The following DACT3 variants were observed in gnomAD, a reference collection of about 807,000 sequenced individuals.
DACT3 encodes the protein dishevelled binding antagonist of beta catenin 3.
DACT3 carries 5 observed loss-of-function variants against 19.6 expected under a neutral mutation model. The ratio of observed to expected loss-of-function variants is 0.26; its 90% CI spans 0.13 to 0.54. DACT3 has a LOEUF of 0.54. Ranked by LOEUF, DACT3 falls within the 20% of genes least tolerant of loss-of-function variation. DACT3 has a pLI of 0.95. For missense variants in DACT3, 908 were observed against 927.4 expected (o/e 0.98, Z 0.27); for synonymous variants, 454 against 428.1 (o/e 1.06, Z -0.75).
Position 46,660,993 on chromosome 19 carries a change from C to T in DACT3, c.72G>A (p.Leu24=). 6.5e-7 allele frequency: 1 copy of T among 1,538,282 alleles called. No homozygotes were observed. Among genetic ancestry groups the T allele is most frequent in the Non-Finnish European group, 8.7e-7 (1 of 1,145,518 alleles). ...GRLRGWLEGS[L]AGLCELHWLR... ...GCCAATGTAACTCGCAGAGCCCGGC[C>T]AGGCTACCCTCCAGCCAGCCCCGCA... Residue 24 remains leucine, a synonymous_variant, in exon 1 of 4, where the codon CTG becomes CTA. Transcript: ENST00000391916. The surrounding 1 kb of genome is among the most constrained non-coding windows in gnomAD (Gnocchi z 4.9).
chr19:46,650,018 T>A, intron 3 of DACT3, 146 bp from the exon 4 acceptor site: 1 of 915,386 alleles, frequency 1.1e-6, no homozygotes. Flanking sequence ...TCTCACACCT[T>A]CCTTCTTGTA....
intron 3 of DACT3, chr19:46,650,566 C>T (rs1473427928): frequency 6.6e-6 from 1 of 152,152 alleles, no homozygotes. Context: ...TACAGGAACG[C>T]ATCACCATGC....
intron 2 of DACT3, 72 bp downstream of exon 2, chr19:46,652,907 G>A: frequency 6.5e-7 from 1 of 1,542,830 alleles, no homozygotes; most frequent in Non-Finnish European, 8.7e-7. Context: ...GAGACACAGG[G>A]GGCCTCAGAA....
In DACT3 at chr19:46,649,083, A is replaced by G; in HGVS notation, c.1289T>C (p.Leu430Pro). The G allele has an allele frequency of 1.5e-6, 2 of 1,295,380 alleles. No individual in the cohort carries two copies. The highest frequency in any genetic ancestry group is 9.8e-7 in the Non-Finnish European group (1 of 1,023,952). The allele number at this position is 1,295,380 out of a possible 1,614,324, so 80.2% of individuals were successfully genotyped here. The change falls in exon 4 of 4, where the codon CTG becomes CCG. Residue 430 changes from leucine (L) to proline (P), a missense_variant. By Grantham distance (98) the Leu-to-Pro change is moderately conservative. This residue lies in a region of DACT3 where 656 missense variants were observed against 601.8 expected (regional missense o/e 1.09). Transcript: ENST00000391916. Reference protein sequence around the residue: ...KASRSQSETSLLGRASAVPSG... With the variant: ...KASRSQSETSPLGRASAVPSG... ...AGGGACCGCGGAGGCGCGGCCCAGC[A>G]GGCTGGTCTCAGACTGGGAGCGCGA...
In DACT3 at chr19:46,649,497, G is replaced by A; in HGVS notation, c.875C>T (p.Ala292Val). ...QNSVRQRPPD[A>V]SPSPGSARPA... The stretch of plus-strand genomic sequence containing the variant: ...TCGCGCGCTGCCGGGGGACGGAGAC[G>A]CGTCGGGCGGCCGCTGGCGCACGCT... Residue 292 changes from alanine (A) to valine (V), a missense_variant, in exon 4 of 4, where the codon GCG (alanine) becomes GTG (valine). By Grantham distance (64) the Ala-to-Val change is moderately conservative (BLOSUM62 0). Transcript: ENST00000391916. 2 of 1,112,590 alleles carry A rather than the reference G, an allele frequency of 1.8e-6. No individual in the cohort carries two copies. Among genetic ancestry groups the A allele is most frequent in the Non-Finnish European group, 2.2e-6 (2 of 913,874 alleles). The allele number at this position is 1,112,590 out of a possible 1,614,324, so 68.9% of individuals were successfully genotyped here.
chr19:46,659,694 G>T (rs1169973865), intron 1 of DACT3, among the ~76,000 whole-genome samples: 1 of 152,112 alleles, frequency 6.6e-6, no homozygotes, highest in Admixed American at 6.5e-5. Context: ...GGTCAGCGGC[G>T]GGGAGAGCCC....
Position 46,648,355 on chromosome 19 carries a change from G to C in DACT3, c.*127C>G, listed in dbSNP as rs568093599. Reference sequence around the variant, plus strand: ...TTCAACCAAGACTGTTAGGAGTGGGGAGAGTGAGGGGGGTCTTTGGAAGCA... The same window carrying C: ...TTCAACCAAGACTGTTAGGAGTGGGCAGAGTGAGGGGGGTCTTTGGAAGCA... On this transcript the variant is annotated 3_prime_UTR_variant, in exon 4 of 4. Transcript: ENST00000391916. The surrounding 1 kb of genome is among the most constrained non-coding windows in gnomAD (Gnocchi z 5.1). 1 of 1,499,166 alleles carries C rather than the reference G, an allele frequency of 6.7e-7. No individual in the cohort carries two copies. Among genetic ancestry groups the C allele is most frequent in the African/African-American group, 1.4e-5 (1 of 71,710 alleles). 92.9% of individuals were successfully genotyped at this position (1,499,166 alleles called of 1,614,324 possible). A position where few individuals can be genotyped will look rare whatever the true frequency, so the allele number is the denominator to read the frequency against.
rs1332141151 is a variant in DACT3, at chr19:46,648,407, G to C, written c.*75C>G. ...AGAAAACGATGGTCTTTGGAAGGTA[G>C]ATGTGGAAGGGTCAGTGGTTGGGAG... On this transcript the variant is annotated 3_prime_UTR_variant, in exon 4 of 4. Transcript: ENST00000391916. This position sits in a 1 kb window ranked among gnomAD's most constrained non-coding sequence, Gnocchi z 5.1. The C allele has an allele frequency of 8.7e-6, 14 of 1,602,958 alleles. No individual in the cohort carries two copies. Among genetic ancestry groups the C allele is most frequent in the Non-Finnish European group, 1.2e-5 (14 of 1,173,414 alleles).
intron 1 of DACT3, among the ~76,000 whole-genome samples, chr19:46,656,948 A>C (rs1210367964): frequency 6.6e-6 from 1 of 152,190 alleles, no homozygotes; most frequent in Non-Finnish European, 1.5e-5. Flanking sequence ...GCTGGCTAGG[A>C]GGCCACACTT....
chr19:46,657,735 A>G (rs1276052730), intron 1 of DACT3, among the ~76,000 whole-genome samples: 1 of 151,758 alleles, frequency 6.6e-6, no homozygotes, highest in Non-Finnish European at 1.5e-5. Context: ...AAAATAGAAA[A>G]TGTTTCCATT....
rs1224211138 is a variant in DACT3 at position 46,660,881 on chromosome 19, C to T, written c.184G>A (p.Asp62Asn). The T allele has an allele frequency of 2.6e-6, 4 of 1,533,520 alleles. No individual in the cohort carries two copies. Among genetic ancestry groups the T allele is most frequent in the Non-Finnish European group, 2.6e-6 (3 of 1,144,750 alleles). 95.0% of individuals were successfully genotyped at this position (1,533,520 alleles called of 1,614,324 possible). A position where few individuals can be genotyped will look rare whatever the true frequency, so the allele number is the denominator to read the frequency against. The change falls in exon 1 of 4, where the codon GAC (aspartate) becomes AAC (asparagine). Residue 62 changes from aspartate to asparagine, a missense_variant. Physicochemically the swap from Asp to Asn is conservative, Grantham distance 23. This residue lies in a region of DACT3 where 252 missense variants were observed against 325.6 expected (regional missense o/e 0.77). Transcript: ENST00000391916. The surrounding 1 kb of genome is among the most constrained non-coding windows in gnomAD (Gnocchi z 4.9). ...GCCGCATCTTCATCCTCATCGGCGT[C>T]CTCCTCGTCCTCGGCCTCGGCGCCC... The part of the protein sequence containing the change: ...MGGAEAEDEE[D>N]ADEDEDAAAA...
intron 1 of DACT3, chr19:46,654,224 C>A: frequency 1.0e-6 from 1 of 985,038 alleles, no homozygotes; most frequent in Non-Finnish European, 1.2e-6. Context: ...CAGTGGCTCA[C>A]GCCTGTAATC....
At chr19:46,654,430 G>A (rs2053016958) in intron 1 of DACT3, 1 of 707,948 alleles carries the variant, frequency 1.4e-6, no homozygotes. Context: ...AGGTTGCAGT[G>A]AGCCGAGATC....
Position 46,648,316 on chromosome 19 carries a change from G to T in DACT3, c.*166C>A. The T allele has an allele frequency of 8.8e-7, 1 of 1,134,862 alleles. No individual in the cohort carries two copies. Among genetic ancestry groups the T allele is most frequent in the Non-Finnish European group, 1.2e-6 (1 of 802,826 alleles). The allele number at this position is 1,134,862 out of a possible 1,614,324, so 70.3% of individuals were successfully genotyped here. On this transcript the variant is annotated 3_prime_UTR_variant, in exon 4 of 4. Transcript: ENST00000391916. The surrounding 1 kb of genome is among the most constrained non-coding windows in gnomAD (Gnocchi z 5.1). Reference sequence around the variant, plus strand: ...GCTCCTCCCCATTCCTCTCGGTGGTGGTGGGGGAGCCTTTTCAACCAAGAC... The same window carrying T: ...GCTCCTCCCCATTCCTCTCGGTGGTTGTGGGGGAGCCTTTTCAACCAAGAC...
In DACT3 at chr19:46,648,713, G is replaced by T. The variant is rs2052943419; in HGVS notation, c.1659C>A (p.Ser553Arg). The stretch of plus-strand genomic sequence containing the variant: ...AGCTGAAGGCAGGCGATTCTCCCTC[G>T]CTGGCGCTCGATTCGCTCTCCCCGT... ...GGYGESESSA[S>R]EGESPAFSSA... is the part of the protein sequence containing the mutation. Residue 553 changes from serine to arginine, a missense_variant, in exon 4 of 4, where the codon AGC becomes AGA. This residue lies in a region of DACT3 where 656 missense variants were observed against 601.8 expected (regional missense o/e 1.09). Coordinates refer to ENST00000391916, the MANE Select transcript of DACT3 (RefSeq NM_145056.3). The surrounding 1 kb of genome is among the most constrained non-coding windows in gnomAD (Gnocchi z 5.1). 1 of 1,606,906 alleles carries T rather than the reference G, an allele frequency of 6.2e-7. No individual in the cohort carries two copies. Among genetic ancestry groups the T allele is most frequent in the Non-Finnish European group, 8.5e-7 (1 of 1,178,848 alleles).
chr19:46,649,658 G>C lies in DACT3; in HGVS notation c.714C>G (p.Asp238Glu), dbSNP rs1156905883. The part of the protein sequence containing the change: ...SPRPCGRPPT[D>E]SPDAGGAGRP... ...GCCCTGCGCCCCCCGCGTCGGGCGA[G>C]TCGGTGGGAGGGCGGCCGCAGGGCC... The change falls in exon 4 of 4, where the codon GAC becomes GAG. Residue 238 changes from aspartate (D) to glutamate (E), a missense_variant. Around this residue, in one of 2 missense-constraint regions of DACT3, gnomAD observed 656 missense variants for 601.8 expected, o/e 1.09. Transcript: ENST00000391916. 5.6e-5 allele frequency: 65 copies of C among 1,162,596 alleles called. No individual in the cohort carries two copies. The highest frequency in any genetic ancestry group is 6.7e-5 in the Non-Finnish European group (63 of 944,684). 72.0% of individuals were successfully genotyped at this position (1,162,596 alleles called of 1,614,324 possible).
rs940890909 is a variant in DACT3 at position 46,649,148 on chromosome 19, C to T, written c.1224G>A (p.Glu408=). 149 of 1,254,112 alleles carry T rather than the reference C, an allele frequency of 1.2e-4. No homozygotes were observed. Among genetic ancestry groups the T allele is most frequent in the Non-Finnish European group, 1.5e-4 (146 of 1,001,202 alleles). 77.7% of individuals were successfully genotyped at this position (1,254,112 alleles called of 1,614,324 possible). A position where few individuals can be genotyped will look rare whatever the true frequency, so the allele number is the denominator to read the frequency against. Residue 408 remains glutamate, a synonymous_variant, in exon 4 of 4, where the codon GAG becomes GAA. Coordinates refer to ENST00000391916, the MANE Select transcript of DACT3 (RefSeq NM_145056.3). ...TGGGCGAGCCGCGGCGGCCCGAAGC[C>T]TCGGCCATGCGTCCACGGCGGCCGG... is the stretch of plus-strand genomic sequence containing the variant. ...RAAGRRGRMA[E]ASGRRGSPRA... is the part of the protein sequence containing the mutation.
At chr19:46,654,322 T>A in intron 1 of DACT3, 1 of 647,936 alleles carries the variant, frequency 1.5e-6, no homozygotes, top group Non-Finnish European at 1.9e-6. Context: ...CTTGTCTCCC[T>A]TAAAAATACA....
Position 46,649,543 on chromosome 19 carries a change from C to T in DACT3, c.829G>A (p.Gly277Ser), listed in dbSNP as rs1370501309. 3 of 1,045,540 alleles carry T rather than the reference C, an allele frequency of 2.9e-6. No homozygotes were observed. The highest frequency in any genetic ancestry group is 3.4e-5 in the African/African-American group (2 of 57,984). The allele number at this position is 1,045,540 out of a possible 1,614,324, so 64.8% of individuals were successfully genotyped here. A position where few individuals can be genotyped will look rare whatever the true frequency, so the allele number is the denominator to read the frequency against. ...ACGCTGTTCTGGCGCCGCGGGCCGCCGTCCGCGCCCCCGGGACTGGTCCGG... is the reference window on the plus strand; with the variant it reads ...ACGCTGTTCTGGCGCCGCGGGCCGCTGTCCGCGCCCCCGGGACTGGTCCGG... ...QPRTSPGGAD[G>S]GPRRQNSVRQ... Residue 277 changes from glycine (G) to serine (S), a missense_variant, in exon 4 of 4, where the codon GGC becomes AGC. Transcript: ENST00000391916.
Sources: allele counts gnomAD v4.1 joint callset (sites outside exome capture counted in the v4.1 genomes callset), GRCh38; gene constraint gnomAD v4.1.1; regional missense constraint gnomAD v4.1.1; non-coding constraint Gnocchi (gnomAD v3.1); transcripts MANE v1.5; gene names NCBI Gene and HGNC (gene_info 2026-07-23, HGNC 2026-07-21).